GALNTL6: variants seen among roughly 807,000 people sequenced by gnomAD.
GALNTL6 encodes the protein polypeptide N-acetylgalactosaminyltransferase like 6, also known as polypeptide N-acetylgalactosaminyltransferase-like 6.
In GALNTL6, 46 loss-of-function variants were observed where a neutral mutation model predicts 73.7. The observed-to-expected ratio is 0.62, with a 90% CI of 0.49 to 0.80. GALNTL6 has a LOEUF of 0.80. Among genes scored for constraint, GALNTL6 ranks in the 30% least tolerant of loss-of-function variants. The pLI is 0.00. For missense variants in GALNTL6, 604 were observed against 755.0 expected, an observed-to-expected ratio of 0.80 and a Z score of 2.34; for synonymous variants, 259 against 263.7, an observed-to-expected ratio of 0.98 and a Z score of 0.17.
At chr4:172,453,905 C>T (rs887949183) in intron 5 of GALNTL6, among the ~76,000 whole-genome samples, 2 of 152,126 alleles carry the variant, frequency 1.3e-5, no homozygotes, top group Non-Finnish European at 2.9e-5. Flanking sequence ...TCCCTGAAAA[C>T]ATGCCCCATT....
intron 2 of GALNTL6, among the ~76,000 whole-genome samples, chr4:171,868,063 T>G (rs1736020121): frequency 1.3e-5 from 2 of 151,316 alleles, no homozygotes; most frequent in South Asian, 4.2e-4. Context: ...CATAGTTTAC[T>G]GCAGCCTCAA....
intron 7 of GALNTL6, among the ~76,000 whole-genome samples, chr4:172,852,601 G>A (rs750684953): frequency 6.6e-6 from 1 of 152,106 alleles, no homozygotes; most frequent in Non-Finnish European, 1.5e-5. Flanking sequence ...TTTATTCGGG[G>A]TAAGGGAGAT....
chr4:172,675,843 A>T (rs1396579413), intron 5 of GALNTL6, among the ~76,000 whole-genome samples: 3 of 152,174 alleles, frequency 2.0e-5, no homozygotes, highest in Non-Finnish European at 4.4e-5. Flanking sequence ...CAACTTTTTC[A>T]TGTCTCAGTA....
In GALNTL6 at chr4:172,656,458, C is replaced by T. The variant is rs887617242; in HGVS notation, c.554-152903C>T. On this transcript the variant is annotated intron_variant, in intron 5 of 12. Transcript: ENST00000506823. The stretch of plus-strand genomic sequence containing the variant: ...GTTTACTACATGGAAACTGAGTAAA[C>T]GATATGAACATAGTGGTGCTGGTGA... 5.3e-5 allele frequency among the ~76,000 whole-genome samples: 8 copies of T among 152,126 alleles called. No homozygotes were observed. The South Asian group carries it at 8.3e-4, about 16-fold the overall frequency.
chr4:172,414,461 C>T (rs1269883895), intron 5 of GALNTL6, among the ~76,000 whole-genome samples: 1 of 151,976 alleles, frequency 6.6e-6, no homozygotes, highest in East Asian at 1.9e-4. Context: ...TCCCCAGATG[C>T]TAAATATTCG....
intron 5 of GALNTL6, among the ~76,000 whole-genome samples, chr4:172,715,239 C>T (rs553717008): frequency 1.3e-5 from 2 of 152,232 alleles, no homozygotes; most frequent in East Asian, 3.9e-4. Context: ...GTAAGAAAAG[C>T]AACACTGGTG....
intron 5 of GALNTL6, among the ~76,000 whole-genome samples, chr4:172,757,719 A>G (rs1737831319): frequency 6.6e-6 from 1 of 152,234 alleles, no homozygotes; most frequent in South Asian, 2.1e-4. Flanking sequence ...ACATTCCATA[A>G]ATATTAATTC....
chr4:172,297,539 G>A (rs1222668752), intron 3 of GALNTL6, among the ~76,000 whole-genome samples: 1 of 152,102 alleles, frequency 6.6e-6, no homozygotes, highest in African/African-American at 2.4e-5. Flanking sequence ...TATATAAGGT[G>A]TAAGGAAGGG....
At chr4:172,661,730 T>A (rs932717530) in intron 5 of GALNTL6, among the ~76,000 whole-genome samples, 2 of 152,216 alleles carry the variant, frequency 1.3e-5, no homozygotes, top group African/African-American at 4.8e-5. Context: ...CAAGCTCCAG[T>A]AATGTTCCAG....
intron 5 of GALNTL6, among the ~76,000 whole-genome samples, chr4:172,415,612 A>G (rs1730799821): frequency 6.6e-6 from 1 of 152,146 alleles, no homozygotes; most frequent in South Asian, 2.1e-4. Flanking sequence ...AGCTGCAGAC[A>G]AGAACCCCTC....
At chr4:172,088,537 A>T (rs1157357069) in intron 2 of GALNTL6, among the ~76,000 whole-genome samples, 1 of 152,192 alleles carries the variant, frequency 6.6e-6, no homozygotes, top group Non-Finnish European at 1.5e-5. Context: ...TTATGGGGAA[A>T]ATGAATAGAT....
intron 3 of GALNTL6, among the ~76,000 whole-genome samples, chr4:172,232,170 C>T (rs1222453492): frequency 6.6e-6 from 1 of 152,032 alleles, no homozygotes; most frequent in Non-Finnish European, 1.5e-5. Flanking sequence ...ACTTCATATA[C>T]AGGCCAAGGA....
intron 10 of GALNTL6, among the ~76,000 whole-genome samples, chr4:172,978,676 A>G (rs1004598122): frequency 3.9e-5 from 6 of 152,260 alleles, no homozygotes; most frequent in Non-Finnish European, 7.3e-5. Context: ...CATTTGAGAT[A>G]TTTAGCACAA....
intron 5 of GALNTL6, among the ~76,000 whole-genome samples, chr4:172,469,533 G>A (rs1732966696): frequency 6.6e-6 from 1 of 152,152 alleles, no homozygotes; most frequent in Non-Finnish European, 1.5e-5. Flanking sequence ...GTTGAGGCAG[G>A]AGAAACACTT....
At chr4:172,426,426 T>G (rs1295619717) in intron 5 of GALNTL6, among the ~76,000 whole-genome samples, 1 of 152,134 alleles carries the variant, frequency 6.6e-6, no homozygotes, top group African/African-American at 2.4e-5. Flanking sequence ...AGGACTATAA[T>G]GGCAACCACA....
intron 5 of GALNTL6, among the ~76,000 whole-genome samples, chr4:172,756,016 A>AT (rs1440599457): frequency 1.3e-5 from 2 of 152,186 alleles, no homozygotes; most frequent in African/African-American, 4.8e-5. Context: ...TTCTCTAAGC[A>AT]TTTTTTTAGC....
intron 2 of GALNTL6, among the ~76,000 whole-genome samples, chr4:171,874,607 C>T (rs1273469521): frequency 6.6e-6 from 1 of 152,020 alleles, no homozygotes; most frequent in Non-Finnish European, 1.5e-5. Context: ...AGATGGGGTC[C>T]CGTAAAATCA....
chr4:172,675,676 C>A (rs538694284), intron 5 of GALNTL6, among the ~76,000 whole-genome samples: 1 of 152,296 alleles, frequency 6.6e-6, no homozygotes, highest in South Asian at 2.1e-4. Context: ...ATGCATGGCC[C>A]AAAGTCACAT....
chr4:172,443,121 C>CACATAT (rs1731892454), intron 5 of GALNTL6, among the ~76,000 whole-genome samples: 2 of 52,004 alleles, frequency 3.8e-5, no homozygotes, highest in Non-Finnish European at 7.6e-5. Context: ...GATCCATATA[C>CACATAT]ATATATATAT....
Sources: gnomAD v4.1 joint callset for allele counts (sites outside exome capture counted in the v4.1 genomes callset) on GRCh38, gnomAD v4.1.1 for gene constraint, MANE v1.5 for transcripts, NCBI Gene and HGNC (gene_info 2026-07-23, HGNC 2026-07-21) for gene names.